The following TCF3 variants were observed in gnomAD, a reference collection of about 807,000 sequenced individuals.
The protein encoded by TCF3 is transcription factor 3.
Under a neutral mutation model 72.3 loss-of-function variants are expected in TCF3, and 54 were observed. The ratio of observed to expected loss-of-function variants is 0.75; its 90% confidence interval spans 0.60 to 0.94. The LOEUF (loss-of-function observed/expected upper bound fraction) is 0.94. Ranked by LOEUF, TCF3 falls within the 40% of genes least tolerant of loss-of-function variation. The probability of loss-of-function intolerance (pLI) is 0.00; values close to 1 mark genes in which losing one functional copy is unlikely to be tolerated. For synonymous variants in TCF3, 525 were observed against 412.6 expected (o/e 1.27, Z -3.30); for missense variants, 1,078 against 934.4 (o/e 1.15, Z -2.00).
chr19:1,648,539 T>A (rs1448590284), intron 2 of TCF3, among the ~76,000 whole-genome samples: 1 of 152,068 alleles, frequency 6.6e-6, no homozygotes, highest in South Asian at 2.1e-4. Context: ...CTGTGACTTG[T>A]CAGTTTAACA....
intron 3 of TCF3, among the ~76,000 whole-genome samples, chr19:1,637,084 C>A (rs1004049200): frequency 6.6e-6 from 1 of 151,866 alleles, no homozygotes; most frequent in South Asian, 2.1e-4. Flanking sequence ...TCCACCAGCA[C>A]GGGGGACAAC....
At position 1,619,487 on chromosome 19, in the gene TCF3, G is replaced by A. The variant is rs1249792716; in HGVS notation, c.1168-13C>T. On this transcript the variant is annotated splice_polypyrimidine_tract_variant and intron_variant, in intron 14 of 18. Coordinates refer to ENST00000262965, the MANE Select transcript of TCF3 (RefSeq NM_003200.5). Reference sequence around the variant, plus strand: ...CTATCTTACTCTGCTGCAGGGTGGGGGGATGGGTGGTGAGGGGCCCAAGCC... The same window carrying A: ...CTATCTTACTCTGCTGCAGGGTGGGAGGATGGGTGGTGAGGGGCCCAAGCC... 1.3e-6 allele frequency: 2 copies of A among 1,566,586 alleles called. No homozygotes were observed. The highest frequency in any genetic ancestry group is 1.7e-6 in the Non-Finnish European group (2 of 1,158,686).
At chr19:1,635,686 G>A (rs1050741237) in intron 3 of TCF3, among the ~76,000 whole-genome samples, 10 of 152,158 alleles carry the variant, frequency 6.6e-5, no homozygotes, top group African/African-American at 1.9e-4. Flanking sequence ...TGTCCAATAC[G>A]GGGACCACAC....
At chr19:1,652,078 C>G (rs1299656028) in intron 1 of TCF3, among the ~76,000 whole-genome samples, 2 of 149,888 alleles carry the variant, frequency 1.3e-5, no homozygotes, top group African/African-American at 4.9e-5. Context: ...ACGGGGGCGA[C>G]GCGGGCCTGG....
chr19:1,619,563 G>C lies in TCF3; in HGVS notation c.1168-89C>G, dbSNP rs777075825. On this transcript the variant is annotated intron_variant, in intron 14 of 18. Transcript: ENST00000262965. ...TGTCCCTTCCGCATGCAAGTGGCCG[G>C]TGGTCCCATCTTCCCCTTCCCCAGG... 1.4e-4 allele frequency: 214 copies of C among 1,478,834 alleles called. 1 individual carries two copies. In the Middle Eastern group the frequency reaches 3.5e-3, roughly 24 times the overall value. The allele number at this position is 1,478,834 out of a possible 1,614,324, so 91.6% of individuals were successfully genotyped here.
At chr19:1,646,332 C>CT (rs1437364368) in intron 3 of TCF3, 23 bp downstream of exon 3, 38 of 1,549,604 alleles carry the variant, frequency 2.5e-5, no homozygotes, top group Non-Finnish European at 3.3e-5. Context: ...TCCACGAGCG[C>CT]TGGCAGGAAG....
chr19:1,635,457 G>C (rs2064264504), intron 3 of TCF3, among the ~76,000 whole-genome samples: 1 of 151,884 alleles, frequency 6.6e-6, no homozygotes, highest in South Asian at 2.1e-4. Context: ...ACTCTTTCCT[G>C]ATCTCACCAC....
intron 9 of TCF3, 22 bp downstream of exon 9, chr19:1,622,291 G>A (rs1035658378): frequency 1.6e-5 from 24 of 1,507,388 alleles, no homozygotes; most frequent in South Asian, 5.2e-5. Context: ...CGTCCCTGGC[G>A]AGCCCCCGCC....
intron 3 of TCF3, among the ~76,000 whole-genome samples, chr19:1,636,707 C>A (rs959066337): frequency 6.6e-5 from 10 of 152,166 alleles, no homozygotes; most frequent in African/African-American, 2.2e-4. Flanking sequence ...TTGGTCAGGG[C>A]CCGCAGGCTG....
rs2061356318 is a variant in TCF3 at position 1,614,528 on chromosome 19, A to G, written c.1822+757T>C. 6.6e-6 allele frequency among the ~76,000 whole-genome samples: 1 copy of G among 152,122 alleles called. No individual in the cohort carries two copies. The highest frequency in any genetic ancestry group is 2.1e-4 in the South Asian group (1 of 4,834). ...GCTTGGGGGGCGCGAGGCGTGCCAC[A>G]CACGGCTGCAGAGACTCGGAAACCT... On this transcript the variant is annotated intron_variant, in intron 18 of 18. Coordinates refer to ENST00000262965, the MANE Select transcript of TCF3 (RefSeq NM_003200.5). This position sits in a 1 kb window ranked among gnomAD's most constrained non-coding sequence, Gnocchi z 5.6.
At chr19:1,621,111 C>A (rs1390678294) in intron 12 of TCF3, 22 bp downstream of exon 12, 3 of 1,525,512 alleles carry the variant, frequency 2.0e-6, no homozygotes, top group Non-Finnish European at 2.7e-6. Context: ...TGCCTGGCCA[C>A]CCCCCATGCC....
At chr19:1,620,908 T>A (rs2146071834) in intron 13 of TCF3, 60 bp downstream of exon 13, 1 of 1,325,430 alleles carries the variant, frequency 7.5e-7, no homozygotes, top group African/African-American at 1.7e-5. Flanking sequence ...GACCTCAGCC[T>A]CCCCTCCCCC....
chr19:1,612,908 G>A (rs2061176038), intron 18 of TCF3, among the ~76,000 whole-genome samples: 1 of 146,474 alleles, frequency 6.8e-6, no homozygotes, highest in African/African-American at 2.6e-5. Context: ...ACAGCAGTGG[G>A]GGTACACGGC....
chr19:1,643,743 T>C (rs1288740009), intron 3 of TCF3, among the ~76,000 whole-genome samples: 1 of 152,252 alleles, frequency 6.6e-6, no homozygotes, highest in Non-Finnish European at 1.5e-5. Context: ...AGGCAGACCC[T>C]TCACAGGGGA....
In TCF3 at chr19:1,615,325, C is replaced by T. The variant is rs773356089; in HGVS notation, c.1782G>A (p.Gln594=). The T allele has an allele frequency of 1.9e-6, 3 of 1,609,358 alleles. No individual in the cohort carries two copies. The African/African-American group carries it at 4.0e-5, about 21-fold the overall frequency. ...CCAAGTTCAGGATGACCGAGACAGC[C>T]TGGTGCAGGATGAGCAGTTTGGTCT... ...KPQTKLLILH[Q]AVSVILNLEQ... Residue 594 remains glutamine (Q), a synonymous_variant, in exon 18 of 19, where the codon CAG becomes CAA. Transcript: ENST00000262965. This position sits in a 1 kb window ranked among gnomAD's most constrained non-coding sequence, Gnocchi z 7.3.
At chr19:1,637,954 T>TG (rs1404793788) in intron 3 of TCF3, among the ~76,000 whole-genome samples, 5 of 151,636 alleles carry the variant, frequency 3.3e-5, no homozygotes, top group Non-Finnish European at 4.4e-5. Flanking sequence ...GAACCCAACA[T>TG]GGAACAAAAA....
intron 3 of TCF3, among the ~76,000 whole-genome samples, chr19:1,636,576 A>G (rs2064438399): frequency 6.6e-6 from 1 of 152,170 alleles, no homozygotes; most frequent in Non-Finnish European, 1.5e-5. Flanking sequence ...CTGGGGTCAC[A>G]GGCGTGCACA....
At chr19:1,635,624 C>T (rs565142409) in intron 3 of TCF3, among the ~76,000 whole-genome samples, 2 of 152,264 alleles carry the variant, frequency 1.3e-5, no homozygotes, top group African/African-American at 4.8e-5. Flanking sequence ...TCATAAATAA[C>T]TGTGCTTCCA....
intron 7 of TCF3, 30 bp from the exon 8 acceptor site, chr19:1,624,030 C>T (rs760942295): frequency 3.0e-5 from 48 of 1,611,136 alleles, no homozygotes; most frequent in Non-Finnish European, 3.9e-5. Flanking sequence ...TGAGAACCGG[C>T]CACCGGCCAT....
Sources: gnomAD v4.1 joint callset for allele counts (sites outside exome capture counted in the v4.1 genomes callset) on GRCh38, gnomAD v4.1.1 for gene constraint, Gnocchi (gnomAD v3.1) non-coding constraint, MANE v1.5 for transcripts, NCBI Gene and HGNC (gene_info 2026-07-23, HGNC 2026-07-21) for gene names.